Variants in EXOC6 observed in about 807,000 individuals in gnomAD.
EXOC6 encodes the protein exocyst complex component 6, also known as SEC15-like 1.
Under a neutral mutation model 112.5 loss-of-function variants are expected in EXOC6, and 60 were observed. The ratio of observed to expected loss-of-function variants is 0.53; its 90% CI spans 0.43 to 0.66. EXOC6 has a LOEUF of 0.66. Among genes scored for constraint, EXOC6 ranks in the 30% least tolerant of loss-of-function variants. The pLI, the probability that EXOC6 is intolerant of heterozygous loss-of-function variation, is 0.00. For synonymous variants in EXOC6, 295 were observed against 308.0 expected (o/e 0.96, Z 0.44); for missense variants, 855 against 957.1 (o/e 0.89, Z 1.41).
chr10:92,899,788 G>T (rs1850056229), intron 5 of EXOC6, 144 bp downstream of exon 5: 1 of 537,476 alleles, frequency 1.9e-6, no homozygotes, highest in Non-Finnish European at 3.2e-6. Context: ...TTGCGCATCA[G>T]GATAATCCAC....
intron 20 of EXOC6, among the ~76,000 whole-genome samples, chr10:93,028,728 G>A (rs1845132450): frequency 6.6e-6 from 1 of 151,866 alleles, no homozygotes; most frequent in Admixed American, 6.6e-5. Flanking sequence ...TAGCTACTTG[G>A]GAGACTGAGG....
rs375795989 is a variant in EXOC6, at chr10:92,896,125, G to A, written c.412+1105G>A. ...TATATATATGTGTATATATATGTGT[G>A]TGTGTGTGTGTGTATGTATGTGTAT... On this transcript the variant is annotated intron_variant, in intron 4 of 21. Coordinates refer to ENST00000260762, the MANE Select transcript of EXOC6 (RefSeq NM_019053.6). Among the ~76,000 whole-genome samples, 48 of 25,432 alleles carry A rather than the reference G, an allele frequency of 1.9e-3. 2 individuals carry two copies. The East Asian group carries it at 0.12, about 63-fold the overall frequency. The allele number at this position is 25,432 out of a possible 152,430, so 16.7% of individuals were successfully genotyped here.
chr10:92,843,597 C>G (rs180715447), upstream of EXOC6, among the ~76,000 whole-genome samples: 508 of 152,326 alleles, frequency 3.3e-3, 3 homozygotes, highest in African/African-American at 0.012. Flanking sequence ...CGCCTGTAAT[C>G]CCAGCACTTT....
chr10:92,973,879 T>C (rs183085198), intron 17 of EXOC6, among the ~76,000 whole-genome samples, 174 bp from the exon 18 acceptor site: 2 of 152,148 alleles, frequency 1.3e-5, no homozygotes, highest in Admixed American at 6.5e-5. Flanking sequence ...TGATGTGATA[T>C]CCAGTCAAAT....
rs376236618 is a variant in EXOC6 at position 92,837,499 on chromosome 10, C to T, written c.86+2675C>T. On this transcript the variant is annotated intron_variant, in intron 1 of 21. Transcript: ENST00000371552. ...TGAAGCAACATAGTGAGACCCTGTC[C>T]CTATAAAACACTTTTTAAAATTAGT... Among the ~76,000 whole-genome samples the T allele has an allele frequency of 3.3e-5, 5 of 152,076 alleles. No homozygotes were observed. In the East Asian group the frequency reaches 9.6e-4, roughly 29 times the overall value.
chr10:92,839,070 TAA>T (rs778968233), intron 1 of EXOC6, among the ~76,000 whole-genome samples: 4 of 142,404 alleles, frequency 2.8e-5, no homozygotes, highest in Admixed American at 7.0e-5. Flanking sequence ...GAGACTCCTC[TAA>T]AAAAAAAAAA....
chr10:92,953,703 G>A lies in EXOC6; in HGVS notation c.1527-927G>A, dbSNP rs962282066. 2.0e-5 allele frequency among the ~76,000 whole-genome samples: 3 copies of A among 152,212 alleles called. 1 individual carries two copies. Among genetic ancestry groups the A allele is most frequent in the East Asian group, 3.8e-4 (2 of 5,198 alleles). On this transcript the variant is annotated intron_variant, in intron 15 of 21. Transcript: ENST00000260762. ...GTTTAACTGTTGTGATAATGAGGCT[G>A]TATCCAAGAAATCATTATTTACTTA...
intron 19 of EXOC6, among the ~76,000 whole-genome samples, chr10:93,010,104 A>G (rs1211062343): frequency 6.6e-6 from 1 of 152,234 alleles, no homozygotes; most frequent in Non-Finnish European, 1.5e-5. Context: ...TGAGTTTTAA[A>G]GAAATAAAGG....
At chr10:93,020,199 A>G (rs961221406) in intron 20 of EXOC6, among the ~76,000 whole-genome samples, 10 of 152,122 alleles carry the variant, frequency 6.6e-5, no homozygotes, top group African/African-American at 2.4e-4. Flanking sequence ...TTTAGCTACA[A>G]GTCTCCAAAC....
intron 8 of EXOC6, 81 bp downstream of exon 8, chr10:92,920,131 T>C: frequency 1.3e-6 from 1 of 792,052 alleles, no homozygotes; most frequent in Non-Finnish European, 1.9e-6. Context: ...TAAAAATTGA[T>C]CATATGCTGT....
intron 19 of EXOC6, among the ~76,000 whole-genome samples, chr10:93,000,762 T>C (rs1313129817): frequency 6.6e-6 from 1 of 152,224 alleles, no homozygotes; most frequent in Non-Finnish European, 1.5e-5. Flanking sequence ...TTAAAAATTT[T>C]TGTGTTTATT....
At chr10:92,911,435 A>G (rs991409953) in intron 6 of EXOC6, among the ~76,000 whole-genome samples, 2 of 152,208 alleles carry the variant, frequency 1.3e-5, no homozygotes, top group African/African-American at 4.8e-5. Context: ...TTTTTTCAGT[A>G]TGAGAATGCC....
chr10:93,050,775 A>AAAAAAAAAAAAAAAT (rs1846249517), intron 20 of EXOC6, among the ~76,000 whole-genome samples: 1 of 146,852 alleles, frequency 6.8e-6, no homozygotes, highest in Non-Finnish European at 1.5e-5. Flanking sequence ...AAAAAAAAAA[A>AAAAAAAAAAAAAAAT]AAAAAAGAAT....
rs749645407 is a variant in EXOC6 at position 92,863,952 on chromosome 10, G to GA, written c.101+15326dup. ...ACAAAACAAAAAAACAAAAAAAAAA[G>GA]AAAAAAAACCCAAAAAATTAGCTCG... On this transcript the variant is annotated intron_variant, in intron 1 of 21. Coordinates refer to ENST00000260762, the MANE Select transcript of EXOC6 (RefSeq NM_019053.6). Among the ~76,000 whole-genome samples, 215 of 143,612 alleles carry GA rather than the reference G, an allele frequency of 1.5e-3. 1 individual carries two copies. In the East Asian group the frequency reaches 0.039, roughly 26 times the overall value. 94.2% of individuals were successfully genotyped at this position (143,612 alleles called of 152,430 possible).
chr10:93,034,848 A>C (rs1179911922), intron 20 of EXOC6, among the ~76,000 whole-genome samples: 8 of 152,204 alleles, frequency 5.3e-5, no homozygotes, highest in African/African-American at 1.9e-4. Context: ...TGCCCCTGTG[A>C]CTACTTCACA....
intron 1 of EXOC6, among the ~76,000 whole-genome samples, chr10:92,862,348 A>G (rs1001322519): frequency 1.3e-5 from 2 of 148,778 alleles, no homozygotes; most frequent in African/African-American, 4.9e-5. Context: ...CCCATAATTC[A>G]TATGTTAAAA....
chr10:92,909,748 A>T (rs956014723), intron 6 of EXOC6, 117 bp downstream of exon 6: 1 of 650,486 alleles, frequency 1.5e-6, no homozygotes, highest in Non-Finnish European at 2.5e-6. Context: ...CCTTTTTCTT[A>T]TCTTTTCTGG....
chr10:92,841,300 G>A (rs893992663), intron 1 of EXOC6, among the ~76,000 whole-genome samples: 1 of 152,130 alleles, frequency 6.6e-6, no homozygotes, highest in Non-Finnish European at 1.5e-5. Flanking sequence ...CTACATATAA[G>A]TGAGATCATG....
chr10:93,035,251 A>C (rs1590081358), intron 20 of EXOC6, among the ~76,000 whole-genome samples: 1 of 152,194 alleles, frequency 6.6e-6, no homozygotes. Flanking sequence ...ATGTGCTTAA[A>C]TATGTAGGTG....
Sources: gnomAD v4.1 joint callset for allele counts (sites outside exome capture counted in the v4.1 genomes callset) on GRCh38, gnomAD v4.1.1 for gene constraint, MANE v1.5 for transcripts, NCBI Gene and HGNC (gene_info 2026-07-23, HGNC 2026-07-21) for gene names.